The following CA10 variants were observed in gnomAD, a reference collection of about 807,000 sequenced individuals.
CA10 encodes the protein carbonic anhydrase 10 (inactive).
In CA10, 14 loss-of-function variants were observed where a neutral mutation model predicts 44.2. The ratio of observed to expected loss-of-function variants is 0.32; its 90% CI spans 0.21 to 0.50. The LOEUF (loss-of-function observed/expected upper bound fraction) is 0.50, where lower values mean the gene tolerates loss of function less well. Among genes scored for constraint, CA10 ranks in the 20% least tolerant of loss-of-function variants. The pLI, the probability that CA10 is intolerant of heterozygous loss-of-function variation, is 0.99. For synonymous variants in CA10, 159 were observed against 141.6 expected, an observed-to-expected ratio of 1.12 and a Z score of -0.87; for missense variants, 350 against 409.7, an observed-to-expected ratio of 0.85 and a Z score of 1.26.
chr17:51,761,859 GATTTACCACTGATGCT>G (rs754042262), intron 3 of CA10: 10 of 151,998 alleles, frequency 6.6e-5, no homozygotes, highest in Non-Finnish European at 1.3e-4. Flanking sequence ...CTTATTATTG[GATTTACCACTGATGCT>G]ATTTACAACT....
At chr17:51,771,422 C>T (rs1598037051) in intron 3 of CA10, among the ~76,000 whole-genome samples, 1 of 152,134 alleles carries the variant, frequency 6.6e-6, no homozygotes, top group African/African-American at 2.4e-5. Context: ...GGTCACCAAG[C>T]CAGGCTTGCC....
chr17:52,007,790 A>T (rs1327586769), intron 2 of CA10, among the ~76,000 whole-genome samples: 2 of 151,436 alleles, frequency 1.3e-5, no homozygotes, highest in Non-Finnish European at 3.0e-5. Flanking sequence ...CTATTCTCTG[A>T]AACAGTTTGG....
chr17:51,881,459 C>G (rs966273197), intron 3 of CA10, among the ~76,000 whole-genome samples: 1 of 151,690 alleles, frequency 6.6e-6, no homozygotes, highest in Admixed American at 6.6e-5. Context: ...TTTGGTACAC[C>G]AGCAAAAGTC....
intron 1 of CA10, among the ~76,000 whole-genome samples, chr17:52,080,224 G>A (rs937077088): frequency 6.6e-6 from 1 of 152,104 alleles, no homozygotes; most frequent in Non-Finnish European, 1.5e-5. Context: ...AGGCCAAGGT[G>A]GGCGCATCAC....
chr17:51,738,948 C>A lies in CA10; in HGVS notation c.465+8685G>T, dbSNP rs148009508. 3.0e-3 allele frequency among the ~76,000 whole-genome samples: 458 copies of A among 152,246 alleles called. 5 individuals are homozygous for A. The highest frequency in any genetic ancestry group is 0.01 in the African/African-American group (432 of 41,544). Reference sequence around the variant, plus strand: ...TCTGTGACCTTGGGCAGGTCTCTTGCCCTTTCTGGCATTTGATTTTTCCTT... The same window carrying A: ...TCTGTGACCTTGGGCAGGTCTCTTGACCTTTCTGGCATTTGATTTTTCCTT... On this transcript the variant is annotated intron_variant, in intron 4 of 8. Transcript: ENST00000451037.
chr17:51,667,874 T>G (rs1286099863), intron 4 of CA10, among the ~76,000 whole-genome samples: 1 of 152,188 alleles, frequency 6.6e-6, no homozygotes, highest in Non-Finnish European at 1.5e-5. Flanking sequence ...TGACAGCACT[T>G]GGGAACAGGC....
chr17:52,079,721 G>A (rs999583912), intron 1 of CA10, among the ~76,000 whole-genome samples: 12 of 152,166 alleles, frequency 7.9e-5, no homozygotes, highest in African/African-American at 1.2e-4. Flanking sequence ...AGATGGAAGA[G>A]TACCAGGAGC....
chr17:51,826,635 T>A (rs1263898), intron 3 of CA10, among the ~76,000 whole-genome samples: 40,432 of 152,074 alleles, frequency 0.27, 5,705 homozygotes, highest in East Asian at 0.36. Flanking sequence ...TTCCCACCTG[T>A]TTCTCCTCTG....
chr17:51,721,214 C>T (rs1916338790), intron 4 of CA10, among the ~76,000 whole-genome samples: 1 of 152,082 alleles, frequency 6.6e-6, no homozygotes, highest in Admixed American at 6.5e-5. Flanking sequence ...AGCCTGTGAT[C>T]CCAGCTACTG....
chr17:51,794,066 G>A (rs1340746280), intron 3 of CA10, among the ~76,000 whole-genome samples: 2 of 152,242 alleles, frequency 1.3e-5, no homozygotes, highest in Non-Finnish European at 2.9e-5. Flanking sequence ...AGGCAGGACA[G>A]ATATTTGCAA....
rs1912813672 is a variant in CA10 at position 51,636,079 on chromosome 17, TAC to T, written c.635-72_635-71del. On this transcript the variant is annotated intron_variant, in intron 6 of 8. Coordinates refer to ENST00000451037, the MANE Select transcript of CA10 (RefSeq NM_020178.5). ...GGATGGTATTGCTGACATACATACA[TAC>T]ATACATACATATACATATACATATA... 123 of 795,358 alleles carry T rather than the reference TAC, an allele frequency of 1.5e-4. No individual in the cohort carries two copies. In the South Asian group the frequency reaches 2.4e-3, roughly 16 times the overall value. 49.3% of individuals were successfully genotyped at this position (795,358 alleles called of 1,614,324 possible).
chr17:52,046,461 C>CTTCATATATAAA (rs2144201270), intron 2 of CA10, among the ~76,000 whole-genome samples: 2 of 151,850 alleles, frequency 1.3e-5, no homozygotes, highest in Admixed American at 1.3e-4. Context: ...ATAAATTTTA[C>CTTCATATATAAA]AACTTATATG....
At chr17:51,807,171 A>C (rs1004155397) in intron 3 of CA10, among the ~76,000 whole-genome samples, 3 of 152,208 alleles carry the variant, frequency 2.0e-5, no homozygotes, top group Non-Finnish European at 4.4e-5. Context: ...CCCTGTAGAA[A>C]GCAATGGTTG....
intron 1 of CA10, among the ~76,000 whole-genome samples, chr17:52,123,723 C>A (rs1264004657): frequency 6.6e-6 from 1 of 152,164 alleles, no homozygotes. Flanking sequence ...GCAGGAACCA[C>A]CTGTGTGGCC....
chr17:51,648,148 A>G (rs551052475), intron 6 of CA10, among the ~76,000 whole-genome samples: 5 of 152,340 alleles, frequency 3.3e-5, no homozygotes, highest in Admixed American at 2.0e-4. Context: ...CTCCCTTGGC[A>G]GTCCAATGTG....
intron 7 of CA10, among the ~76,000 whole-genome samples, chr17:51,634,326 A>C (rs1240671987): frequency 6.6e-6 from 1 of 152,216 alleles, no homozygotes; most frequent in South Asian, 2.1e-4. Context: ...TCTAAGCTTA[A>C]GTGGGGAGTT....
chr17:52,034,523 T>C (rs1426848846), intron 2 of CA10, among the ~76,000 whole-genome samples: 1 of 152,102 alleles, frequency 6.6e-6, no homozygotes, highest in African/African-American at 2.4e-5. Flanking sequence ...GTGACACAAA[T>C]TGGCAGGTTT....
chr17:51,684,917 G>A (rs1914959418), intron 4 of CA10, among the ~76,000 whole-genome samples: 1 of 152,142 alleles, frequency 6.6e-6, no homozygotes, highest in East Asian at 1.9e-4. Flanking sequence ...AGATGCCTGG[G>A]GTGGGTGGTT....
At chr17:51,678,880 T>C (rs950784979) in intron 4 of CA10, among the ~76,000 whole-genome samples, 6 of 152,162 alleles carry the variant, frequency 3.9e-5, no homozygotes, top group African/African-American at 1.4e-4. Context: ...CAGTAAGCCC[T>C]CTCCTTCCCT....
Sources: allele counts gnomAD v4.1 joint callset (sites outside exome capture counted in the v4.1 genomes callset), GRCh38; gene constraint gnomAD v4.1.1; transcripts MANE v1.5; gene names NCBI Gene and HGNC (gene_info 2026-07-23, HGNC 2026-07-21).